Variants in MMS22L observed in about 807,000 individuals in gnomAD.
MMS22L encodes MMS22 like, DNA repair protein.
Under a neutral mutation model 159.1 loss-of-function variants are expected in MMS22L, and 74 were observed. That is an observed-to-expected ratio of 0.47 (90% CI 0.39 to 0.56). MMS22L has a LOEUF of 0.56. MMS22L is among the 20% of genes least tolerant of loss of function. The probability of loss-of-function intolerance (pLI) is 0.00; values close to 1 mark genes in which losing one functional copy is unlikely to be tolerated. For missense variants in MMS22L, 1,351 were observed against 1,422.1 expected, an observed-to-expected ratio of 0.95 and a Z score of 0.80; for synonymous variants, 517 against 506.9, an observed-to-expected ratio of 1.02 and a Z score of -0.27.
chr6:97,191,722 T>C (rs1250405259), intron 14 of MMS22L, among the ~76,000 whole-genome samples: 1 of 152,222 alleles, frequency 6.6e-6, no homozygotes. Flanking sequence ...TAACCATTTT[T>C]AGCTTCAGCT....
chr6:97,156,493 T>C (rs747570872), intron 22 of MMS22L, among the ~76,000 whole-genome samples: 6 of 152,208 alleles, frequency 3.9e-5, no homozygotes, highest in Non-Finnish European at 8.8e-5. Context: ...TTAATTTTTG[T>C]GTAAGGTGTA....
At chr6:97,262,363 G>A (rs1231923082) in intron 9 of MMS22L, among the ~76,000 whole-genome samples, 1 of 152,064 alleles carries the variant, frequency 6.6e-6, no homozygotes, top group Non-Finnish European at 1.5e-5. Context: ...AAAGATAGCA[G>A]GCCAGGCATG....
intron 11 of MMS22L, among the ~76,000 whole-genome samples, chr6:97,238,475 C>A (rs1048643441): frequency 2.6e-5 from 4 of 151,942 alleles, no homozygotes; most frequent in African/African-American, 9.7e-5. Flanking sequence ...GCCTGTGGGC[C>A]TCTTTTCCAC....
rs777861797 is a variant in MMS22L at position 97,191,571 on chromosome 6, T to C, written c.2040-4881A>G. 2.0e-5 allele frequency among the ~76,000 whole-genome samples: 3 copies of C among 150,188 alleles called. No homozygotes were observed. The East Asian group carries it at 5.8e-4, about 29-fold the overall frequency. On this transcript the variant is annotated intron_variant, in intron 14 of 24. Coordinates refer to ENST00000683635, the MANE Select transcript of MMS22L (RefSeq NM_001350599.2). ...AATTCTTTTAACTCTACTGCAAACA[T>C]GGTAACTTTAAAAAAATCTTTATTA... is the stretch of plus-strand genomic sequence containing the variant.
At chr6:97,157,794 T>C (rs955644106) in intron 22 of MMS22L, among the ~76,000 whole-genome samples, 3 of 152,174 alleles carry the variant, frequency 2.0e-5, no homozygotes, top group Non-Finnish European at 2.9e-5. Context: ...TGTTGTTGTG[T>C]CTCTGCCAGG....
intron 13 of MMS22L, 27 bp downstream of exon 13, chr6:97,231,399 A>G: frequency 6.6e-7 from 1 of 1,505,104 alleles, no homozygotes; most frequent in Non-Finnish European, 9.2e-7. Context: ...ATCAGTGCAC[A>G]CTCATGACAG....
At chr6:97,194,528 A>G (rs1806266829) in intron 14 of MMS22L, among the ~76,000 whole-genome samples, 1 of 152,228 alleles carries the variant, frequency 6.6e-6, no homozygotes, top group Non-Finnish European at 1.5e-5. Flanking sequence ...TATTTTCAAT[A>G]AACAATCTTT....
chr6:97,254,764 A>T lies in MMS22L; in HGVS notation c.943-31T>A, dbSNP rs763255937. The T allele has an allele frequency of 7.2e-6, 11 of 1,517,898 alleles. No homozygotes were observed. In the East Asian group the frequency reaches 2.5e-4, roughly 35 times the overall value. The allele number at this position is 1,517,898 out of a possible 1,614,324, so 94.0% of individuals were successfully genotyped here. The stretch of plus-strand genomic sequence containing the variant: ...GAAACAGAAGTAATTTGATTCCATT[A>T]AGACAGTTTCAATAACCTTTGATTT... On this transcript the variant is annotated intron_variant, in intron 9 of 24. Coordinates refer to ENST00000683635, the MANE Select transcript of MMS22L (RefSeq NM_001350599.2).
Position 97,272,764 on chromosome 6 carries a change from T to TCCA in MMS22L, c.543_545dup (p.Gly182dup), listed in dbSNP as rs747705558. ...TAACACTGGGAAGTTCAGATAGGTG[T>TCCA]CCAATATACAAGAGTAATCCATGAA... is the stretch of plus-strand genomic sequence containing the variant. On this transcript the variant is annotated inframe_insertion, in exon 6 of 25. Coordinates refer to ENST00000683635, the MANE Select transcript of MMS22L (RefSeq NM_001350599.2). 4.0e-5 allele frequency: 65 copies of TCCA among 1,613,976 alleles called. No homozygotes were observed. Among genetic ancestry groups the TCCA allele is most frequent in the Admixed American group, 6.7e-5 (4 of 60,008 alleles).
In MMS22L at chr6:97,283,139, G is replaced by A. The variant is rs1816925571; in HGVS notation, c.-120C>T. ...CCCGAAACCTGCCTCCTGTGACCCA[G>A]ACCACCAACAGGAATCTTTGGGGTC... On this transcript the variant is annotated 5_prime_UTR_variant, in exon 1 of 25. Coordinates refer to ENST00000683635, the MANE Select transcript of MMS22L (RefSeq NM_001350599.2). 2 of 152,240 alleles carry A rather than the reference G, an allele frequency of 1.3e-5. No individual in the cohort carries two copies. Among genetic ancestry groups the A allele is most frequent in the South Asian group, 4.1e-4 (2 of 4,836 alleles). 9.4% of individuals were successfully genotyped at this position (152,240 alleles called of 1,614,324 possible). A position where few individuals can be genotyped will look rare whatever the true frequency, so the allele number is the denominator to read the frequency against.
chr6:97,224,148 C>T (rs755134403), intron 14 of MMS22L, among the ~76,000 whole-genome samples: 40 of 152,144 alleles, frequency 2.6e-4, no homozygotes, highest in Non-Finnish European at 8.8e-5. Flanking sequence ...CCCCCTATCA[C>T]CTACTCACAC....
At chr6:97,169,252 T>C (rs944440766) in intron 19 of MMS22L, among the ~76,000 whole-genome samples, 1 of 152,110 alleles carries the variant, frequency 6.6e-6, no homozygotes, top group African/African-American at 2.4e-5. Flanking sequence ...CATCTGATGA[T>C]AATAAAGCTT....
Position 97,146,814 on chromosome 6 carries a change from T to C in MMS22L, c.3724A>G (p.Asn1242Asp). 1 of 1,574,390 alleles carries C rather than the reference T, an allele frequency of 6.4e-7. No homozygotes were observed. The highest frequency in any genetic ancestry group is 1.4e-5 in the African/African-American group (1 of 72,036). The change falls in exon 25 of 25, where the codon AAT (asparagine) becomes GAT (aspartate). Residue 1242 changes from asparagine (N) to aspartate (D), a missense_variant. Physicochemically the swap from Asn to Asp is conservative, Grantham distance 23. Transcript: ENST00000683635. ...ATGAATCACAAAATATATTAAGTAT[T>C]ATCATTTTCCAGTCTCTGCATCTCA... Reference protein sequence around the residue: ...QDEMQRLENDNT With the variant: ...QDEMQRLENDDT
chr6:97,185,870 G>C (rs2128279963), intron 15 of MMS22L, among the ~76,000 whole-genome samples: 1 of 152,046 alleles, frequency 6.6e-6, no homozygotes, highest in South Asian at 2.1e-4. Context: ...AACATATTTT[G>C]AGCAAAATAC....
intron 14 of MMS22L, among the ~76,000 whole-genome samples, 195 bp downstream of exon 14, chr6:97,228,698 CA>C (rs1810514751): frequency 6.6e-6 from 1 of 152,152 alleles, no homozygotes; most frequent in South Asian, 2.1e-4. Flanking sequence ...CCAAGCTTTT[CA>C]TATAATAGCA....
At chr6:97,240,648 CAG>C (rs1168863043) in intron 11 of MMS22L, among the ~76,000 whole-genome samples, 7 of 143,256 alleles carry the variant, frequency 4.9e-5, no homozygotes, top group African/African-American at 1.3e-4. Flanking sequence ...TTTTTTGAGA[CAG>C]AGTTTTGCTC....
intron 21 of MMS22L, 117 bp from the exon 22 acceptor site, chr6:97,162,282 T>C: frequency 4.2e-6 from 3 of 716,490 alleles, no homozygotes; most frequent in Non-Finnish European, 6.8e-6. Context: ...ACAGTGCCAC[T>C]TGTATAAAGT....
chr6:97,198,211 G>A (rs1040406481), intron 14 of MMS22L, among the ~76,000 whole-genome samples: 5 of 152,096 alleles, frequency 3.3e-5, no homozygotes, highest in Admixed American at 3.3e-4. Flanking sequence ...CAGCACTCAG[G>A]TCAACAGTTC....
intron 14 of MMS22L, among the ~76,000 whole-genome samples, chr6:97,219,816 G>A (rs745458458): frequency 3.3e-5 from 5 of 152,132 alleles, no homozygotes; most frequent in African/African-American, 7.2e-5. Flanking sequence ...TAAGTCTCCT[G>A]CCTGGAATAC....
Sources: allele counts gnomAD v4.1 joint callset (sites outside exome capture counted in the v4.1 genomes callset), GRCh38; gene constraint gnomAD v4.1.1; transcripts MANE v1.5; gene names NCBI Gene and HGNC (gene_info 2026-07-23, HGNC 2026-07-21).